The following KIAA1217 variants were observed in gnomAD, a reference collection of about 807,000 sequenced individuals.
KIAA1217 encodes KIAA1217, also known as sickle tail protein homolog.
KIAA1217 carries 88 observed loss-of-function variants against 163.9 expected under a neutral mutation model. The ratio of observed to expected loss-of-function variants is 0.54; its 90% confidence interval spans 0.45 to 0.64. The LOEUF is 0.64. KIAA1217 is among the 30% of genes least tolerant of loss of function. The pLI is 0.00. For missense variants in KIAA1217, 2,372 were observed against 2,475.0 expected, an observed-to-expected ratio of 0.96 and a Z score of 0.88; for synonymous variants, 903 against 923.1, an observed-to-expected ratio of 0.98 and a Z score of 0.39.
At chr10:24,199,852 T>A (rs1483844778) in intron 2 of KIAA1217, among the ~76,000 whole-genome samples, 2 of 151,546 alleles carry the variant, frequency 1.3e-5, no homozygotes, top group Admixed American at 1.3e-4. Context: ...AACCTTGGGT[T>A]ATTATTTATA....
chr10:23,844,245 C>T (rs535801953), intron 1 of KIAA1217, among the ~76,000 whole-genome samples: 40 of 152,286 alleles, frequency 2.6e-4, no homozygotes, highest in Non-Finnish European at 5.4e-4. Context: ...CAGCTTTCTA[C>T]ATTTGCCAGT....
intron 1 of KIAA1217, among the ~76,000 whole-genome samples, chr10:23,841,117 C>T (rs527261444): frequency 6.6e-6 from 1 of 152,296 alleles, no homozygotes; most frequent in East Asian, 1.9e-4. Context: ...CAGTAATCAG[C>T]ATATGGTAAG....
At chr10:24,487,863 A>G (rs1166212347) in intron 6 of KIAA1217, among the ~76,000 whole-genome samples, 1 of 152,172 alleles carries the variant, frequency 6.6e-6, no homozygotes, top group Non-Finnish European at 1.5e-5. Flanking sequence ...TTTTCTTCTC[A>G]TTTATTACCC....
intron 3 of KIAA1217, among the ~76,000 whole-genome samples, chr10:24,383,234 A>G (rs7906883): frequency 0.52 from 78,555 of 152,080 alleles, 22,879 homozygotes; most frequent in African/African-American, 0.8. Context: ...AAATGAGCTC[A>G]GGTCTCTGTA....
chr10:23,729,931 T>A (rs565772824), intron 1 of KIAA1217, among the ~76,000 whole-genome samples: 1 of 151,912 alleles, frequency 6.6e-6, no homozygotes, highest in Non-Finnish European at 1.5e-5. Context: ...TGACATAGTC[T>A]CACTCTGTCA....
intron 2 of KIAA1217, among the ~76,000 whole-genome samples, chr10:24,017,947 G>T (rs1325163815): frequency 6.6e-6 from 1 of 152,084 alleles, no homozygotes; most frequent in African/African-American, 2.4e-5. Flanking sequence ...TTTAGGGAGA[G>T]CACAAAAAAG....
rs1171830260 is a variant in KIAA1217, at chr10:24,543,725, G to C, written c.4455G>C (p.Glu1485Asp). The change falls in exon 19 of 21, where the codon GAG becomes GAC. Residue 1485 changes from glutamate to aspartate, a missense_variant. Glu to Asp is a conservative substitution (Grantham distance 45). This residue lies in a region of KIAA1217 where 690 missense variants were observed against 677.5 expected (regional missense o/e 1.02). Transcript: ENST00000376454. Reference sequence around the variant, plus strand: ...AGGAAAAGATAGAGGAGGAGGAAGAGGAGGAAAATGGGGATTCTGTAGTCC... The same window carrying C: ...AGGAAAAGATAGAGGAGGAGGAAGACGAGGAAAATGGGGATTCTGTAGTCC... ...MMEEKIEEEE[E>D]EENGDSVVQN... The C allele has an allele frequency of 5.6e-6, 9 of 1,613,962 alleles. No individual in the cohort carries two copies. Among genetic ancestry groups the C allele is most frequent in the Non-Finnish European group, 7.6e-6 (9 of 1,179,894 alleles).
At chr10:23,878,875 C>G (rs538885650) in intron 1 of KIAA1217, among the ~76,000 whole-genome samples, 1 of 151,788 alleles carries the variant, frequency 6.6e-6, no homozygotes. Context: ...GAAAAAAGAT[C>G]GGGTTGACTC....
intron 1 of KIAA1217, among the ~76,000 whole-genome samples, chr10:23,970,149 A>G (rs1367370094): frequency 6.6e-6 from 1 of 152,210 alleles, no homozygotes; most frequent in African/African-American, 2.4e-5. Context: ...CATATCACCA[A>G]TTAATTGATT....
At chr10:24,339,555 G>T (rs963898895) in intron 2 of KIAA1217, among the ~76,000 whole-genome samples, 14 of 152,198 alleles carry the variant, frequency 9.2e-5, no homozygotes, top group African/African-American at 3.4e-4. Context: ...AGGAATTTTG[G>T]TGTTTGTCAA....
At chr10:23,767,390 A>G (rs570891039) in intron 1 of KIAA1217, among the ~76,000 whole-genome samples, 2 of 152,304 alleles carry the variant, frequency 1.3e-5, no homozygotes, top group African/African-American at 4.8e-5. Flanking sequence ...TGGTTGCAAT[A>G]TTCCAGATGA....
chr10:24,256,762 CT>C (rs1377244751), intron 2 of KIAA1217, among the ~76,000 whole-genome samples: 1 of 152,168 alleles, frequency 6.6e-6, no homozygotes, highest in African/African-American at 2.4e-5. Flanking sequence ...GTCTTAGAGG[CT>C]GATTTTGTGG....
At chr10:23,803,015 T>C (rs577278210) in intron 1 of KIAA1217, among the ~76,000 whole-genome samples, 2 of 152,316 alleles carry the variant, frequency 1.3e-5, no homozygotes, top group East Asian at 3.9e-4. Flanking sequence ...CCCTGTGTTA[T>C]AGATAAAGGA....
chr10:23,859,206 T>C (rs569899033), intron 1 of KIAA1217, among the ~76,000 whole-genome samples: 24 of 152,208 alleles, frequency 1.6e-4, no homozygotes, highest in Non-Finnish European at 3.2e-4. Flanking sequence ...GGTGGTTTCT[T>C]TGTTATGGAC....
In KIAA1217 at chr10:24,536,770, T is replaced by C; in HGVS notation, c.3415-4T>C. ...CTGTTAACCTCAGTATTTTAATTCC[T>C]TAGGCATTCCAGAAGTGTTCCTTTA... On this transcript the variant is annotated splice_region_variant and splice_polypyrimidine_tract_variant and intron_variant, in intron 16 of 20. Coordinates refer to ENST00000376454, the MANE Select transcript of KIAA1217 (RefSeq NM_019590.5). The C allele has an allele frequency of 2.5e-6, 4 of 1,613,228 alleles. No individual in the cohort carries two copies. Among genetic ancestry groups the C allele is most frequent in the Non-Finnish European group, 3.4e-6 (4 of 1,179,360 alleles).
At chr10:23,815,176 C>A (rs1053783155) in intron 1 of KIAA1217, among the ~76,000 whole-genome samples, 14 of 151,650 alleles carry the variant, frequency 9.2e-5, no homozygotes, top group African/African-American at 2.9e-4. Context: ...AAAATTGAGG[C>A]AAAGGTTTTT....
At position 24,543,118 on chromosome 10, in the gene KIAA1217, G is replaced by A; in HGVS notation, c.3848G>A (p.Gly1283Glu). 6.2e-7 allele frequency: 1 copy of A among 1,613,274 alleles called. No homozygotes were observed. The highest frequency in any genetic ancestry group is 8.5e-7 in the Non-Finnish European group (1 of 1,179,964). Reference sequence around the variant, plus strand: ...CCATTAGAAGATGAAATAAACAAAGGGTCTAAAATCTCAGGCCTGCAATAC... The same window carrying A: ...CCATTAGAAGATGAAATAAACAAAGAGTCTAAAATCTCAGGCCTGCAATAC... ...ISPLEDEINK[G>E]SKISGLQYSI... The change falls in exon 19 of 21, where the codon GGG (glycine) becomes GAG (glutamate). Residue 1283 changes from glycine (G) to glutamate (E), a missense_variant. Gly to Glu is a moderately conservative substitution (Grantham distance 98, BLOSUM62 -2). This residue lies in a region of KIAA1217 where 251 missense variants were observed against 327.3 expected (regional missense o/e 0.77). Coordinates refer to ENST00000376454, the MANE Select transcript of KIAA1217 (RefSeq NM_019590.5).
intron 2 of KIAA1217, among the ~76,000 whole-genome samples, chr10:24,273,118 C>T (rs1228331189): frequency 6.6e-6 from 1 of 152,186 alleles, no homozygotes; most frequent in Non-Finnish European, 1.5e-5. Context: ...GAAAAGATGG[C>T]ATTTTCTGAA....
chr10:23,755,245 T>C (rs12264731), intron 1 of KIAA1217, among the ~76,000 whole-genome samples: 3,160 of 152,216 alleles, frequency 0.021, 114 homozygotes, highest in African/African-American at 0.071. Context: ...TTGAGAGAAA[T>C]TGAAATCCTA....
Sources: allele counts gnomAD v4.1 joint callset (sites outside exome capture counted in the v4.1 genomes callset), GRCh38; gene constraint gnomAD v4.1.1; regional missense constraint gnomAD v4.1.1; transcripts MANE v1.5; gene names NCBI Gene and HGNC (gene_info 2026-07-23, HGNC 2026-07-21).